Variants in L3MBTL4 observed in about 807,000 individuals in gnomAD.
L3MBTL4 encodes the protein L3MBTL histone methyl-lysine binding protein 4.
A neutral mutation model predicts 84.5 loss-of-function variants in L3MBTL4; 70 were observed. The observed-to-expected ratio is 0.83, with a 90% confidence interval of 0.68 to 1.01. L3MBTL4 has a LOEUF of 1.01. Among genes scored for constraint, L3MBTL4 ranks in the 50% least tolerant of loss-of-function variants. L3MBTL4 has a pLI of 0.00. For synonymous variants in L3MBTL4, 274 were observed against 259.8 expected (o/e 1.05, Z -0.52); for missense variants, 715 against 754.8 (o/e 0.95, Z 0.62).
At chr18:6,210,365 G>A (rs997960920) in intron 12 of L3MBTL4, among the ~76,000 whole-genome samples, 7 of 152,138 alleles carry the variant, frequency 4.6e-5, no homozygotes, top group Non-Finnish European at 2.9e-5. Context: ...CTACACATCT[G>A]CTCTCCCACT....
chr18:6,238,774 C>T (rs1446814545), intron 9 of L3MBTL4, among the ~76,000 whole-genome samples: 1 of 152,112 alleles, frequency 6.6e-6, no homozygotes, highest in Non-Finnish European at 1.5e-5. Flanking sequence ...TCTGCTTTGC[C>T]TCTGAGTTCA....
At chr18:6,222,082 CAA>C in intron 10 of L3MBTL4, among the ~76,000 whole-genome samples, 1 of 152,240 alleles carries the variant, frequency 6.6e-6, no homozygotes, top group Non-Finnish European at 1.5e-5. Flanking sequence ...TTTATTGTTT[CAA>C]AACACATGTT....
At chr18:6,196,412 C>T (rs1320305888) in intron 12 of L3MBTL4, among the ~76,000 whole-genome samples, 2 of 152,144 alleles carry the variant, frequency 1.3e-5, no homozygotes, top group African/African-American at 4.8e-5. Context: ...CCACCCTGGC[C>T]TCCCAAAATG....
At chr18:6,118,554 GA>G (rs1007561899) in intron 14 of L3MBTL4, among the ~76,000 whole-genome samples, 6 of 151,700 alleles carry the variant, frequency 4.0e-5, no homozygotes, top group African/African-American at 1.5e-4. Flanking sequence ...TTCAGTGAAA[GA>G]AAAAAAACTC....
intron 14 of L3MBTL4, among the ~76,000 whole-genome samples, chr18:6,120,254 C>G (rs1425965434): frequency 6.6e-6 from 1 of 152,188 alleles, no homozygotes; most frequent in Admixed American, 6.5e-5. Flanking sequence ...TCTACAAGCC[C>G]AGGGGCCCGG....
chr18:6,325,575 A>G (rs1447383054), intron 1 of L3MBTL4, among the ~76,000 whole-genome samples: 1 of 152,236 alleles, frequency 6.6e-6, no homozygotes, highest in Admixed American at 6.5e-5. Context: ...TAGTATATAT[A>G]AAGTAAACTG....
At chr18:6,001,669 G>A (rs1898936392) in intron 16 of L3MBTL4, among the ~76,000 whole-genome samples, 1 of 152,058 alleles carries the variant, frequency 6.6e-6, no homozygotes, top group Non-Finnish European at 1.5e-5. Flanking sequence ...TTCACTAGAG[G>A]GATACTAAAG....
chr18:6,109,933 T>C (rs2059137650), intron 14 of L3MBTL4, among the ~76,000 whole-genome samples: 1 of 151,946 alleles, frequency 6.6e-6, no homozygotes, highest in Non-Finnish European at 1.5e-5. Flanking sequence ...CCACGTGCAC[T>C]GGGGCTGATA....
At chr18:6,188,642 CA>C (rs1322913917) in intron 12 of L3MBTL4, among the ~76,000 whole-genome samples, 1 of 152,164 alleles carries the variant, frequency 6.6e-6, no homozygotes, top group African/African-American at 2.4e-5. Flanking sequence ...AAACCTGACA[CA>C]GGGGGATGGA....
At chr18:6,177,451 G>C (rs1308773620) in intron 12 of L3MBTL4, among the ~76,000 whole-genome samples, 1 of 152,204 alleles carries the variant, frequency 6.6e-6, no homozygotes. Flanking sequence ...AGAAGGATGG[G>C]AGCAGGACTG....
chr18:6,205,036 T>C (rs1339372444), intron 12 of L3MBTL4, among the ~76,000 whole-genome samples: 1 of 152,196 alleles, frequency 6.6e-6, no homozygotes, highest in African/African-American at 2.4e-5. Context: ...GAAATTCTAA[T>C]CCCTGAAAGC....
chr18:6,128,753 C>T (rs1476526117), intron 14 of L3MBTL4, among the ~76,000 whole-genome samples: 2 of 151,962 alleles, frequency 1.3e-5, no homozygotes, highest in Non-Finnish European at 2.9e-5. Flanking sequence ...AAAGAGCTCT[C>T]CAAGCCAGGA....
chr18:6,087,278 T>C (rs1433326857), intron 15 of L3MBTL4, among the ~76,000 whole-genome samples: 1 of 152,164 alleles, frequency 6.6e-6, no homozygotes, highest in African/African-American at 2.4e-5. Context: ...TGCATCTTAA[T>C]TCTAGGGCAG....
chr18:5,956,002 T>C lies in L3MBTL4; in HGVS notation c.*218A>G, dbSNP rs1349099565. 4.1e-6 allele frequency: 2 copies of C among 486,408 alleles called. No homozygotes were observed. The highest frequency in any genetic ancestry group is 7.2e-6 in the Non-Finnish European group (2 of 276,350). The allele number at this position is 486,408 out of a possible 1,614,324, so 30.1% of individuals were successfully genotyped here. A position where few individuals can be genotyped will look rare whatever the true frequency, so the allele number is the denominator to read the frequency against. Reference sequence around the variant, plus strand: ...CGGATCCCACCAAAGATAACAATGTTCGTAAACCAAACCCACAGATGGGCC... The same window carrying C: ...CGGATCCCACCAAAGATAACAATGTCCGTAAACCAAACCCACAGATGGGCC... On this transcript the variant is annotated 3_prime_UTR_variant, in exon 19 of 19. Transcript: ENST00000317931.
At chr18:6,194,735 C>T (rs963805177) in intron 12 of L3MBTL4, among the ~76,000 whole-genome samples, 4 of 152,174 alleles carry the variant, frequency 2.6e-5, no homozygotes, top group Non-Finnish European at 4.4e-5. Flanking sequence ...GGAGTACAGA[C>T]AAGAAACCAG....
chr18:6,124,050 A>T (rs915795986), intron 14 of L3MBTL4, among the ~76,000 whole-genome samples: 3 of 152,318 alleles, frequency 2.0e-5, no homozygotes, highest in Admixed American at 2.0e-4. Context: ...GAGGCCAGAA[A>T]AGCTGCCCAG....
At chr18:6,093,590 G>A in intron 14 of L3MBTL4, 62 bp from the exon 15 acceptor site, 1 of 1,399,688 alleles carries the variant, frequency 7.1e-7, no homozygotes, top group Non-Finnish European at 9.6e-7. Flanking sequence ...GGGATCCATT[G>A]TCATTAGAGC....
At chr18:6,166,514 A>G (rs2043666552) in intron 13 of L3MBTL4, among the ~76,000 whole-genome samples, 1 of 152,256 alleles carries the variant, frequency 6.6e-6, no homozygotes, top group African/African-American at 2.4e-5. Context: ...AGAACTCAGA[A>G]TTAAGAAACT....
At chr18:6,077,807 G>A (rs960353603) in intron 16 of L3MBTL4, among the ~76,000 whole-genome samples, 2 of 151,364 alleles carry the variant, frequency 1.3e-5, no homozygotes, top group African/African-American at 4.9e-5. Flanking sequence ...GAGGTCAGTG[G>A]ATCACGAGGT....
Sources: gnomAD v4.1 joint callset for allele counts (sites outside exome capture counted in the v4.1 genomes callset) on GRCh38, gnomAD v4.1.1 for gene constraint, MANE v1.5 for transcripts, NCBI Gene and HGNC (gene_info 2026-07-23, HGNC 2026-07-21) for gene names.